Variants in CR1L observed in about 807,000 individuals in gnomAD.
CR1L encodes complement C3b/C4b receptor 1 like, also known as complement component receptor 1-like protein.
In CR1L, 59 loss-of-function variants were observed where a neutral mutation model predicts 62.3. That is an observed-to-expected ratio of 0.95 (90% CI 0.77 to 1.18). The LOEUF (loss-of-function observed/expected upper bound fraction) is 1.18, where lower values mean the gene tolerates loss of function less well. Ranked by LOEUF, CR1L falls within the 50% of genes most tolerant of loss-of-function variation. The pLI is 0.00. For synonymous variants in CR1L, 279 were observed against 248.7 expected, an observed-to-expected ratio of 1.12 and a Z score of -1.15; for missense variants, 700 against 702.8, an observed-to-expected ratio of 1.00 and a Z score of 0.04.
intron 9 of CR1L, among the ~76,000 whole-genome samples, chr1:207,705,045 C>T (rs559275053): frequency 1.3e-5 from 2 of 152,154 alleles, no homozygotes; most frequent in African/African-American, 2.4e-5. Context: ...TCCTTCATTG[C>T]GTCTTCCAGC....
intron 1 of CR1L, among the ~76,000 whole-genome samples, chr1:207,645,781 A>T (rs1319387585): frequency 1.3e-5 from 2 of 152,090 alleles, no homozygotes; most frequent in East Asian, 1.9e-4. Flanking sequence ...GGGCTTGGAC[A>T]GTACCCGCGG....
chr1:207,690,536 G>T (rs1663980790), intron 4 of CR1L, among the ~76,000 whole-genome samples: 1 of 152,160 alleles, frequency 6.6e-6, no homozygotes, highest in Non-Finnish European at 1.5e-5. Flanking sequence ...AGGAAAATGT[G>T]GTTTAGAACA....
intron 1 of CR1L, among the ~76,000 whole-genome samples, chr1:207,664,885 T>C (rs1032217579): frequency 6.6e-6 from 1 of 152,152 alleles, no homozygotes; most frequent in Non-Finnish European, 1.5e-5. Context: ...TGTGAAAAAA[T>C]GTCCAGGAAG....
chr1:207,714,705 G>A (rs572296536), intron 10 of CR1L, among the ~76,000 whole-genome samples: 2 of 152,200 alleles, frequency 1.3e-5, no homozygotes, highest in South Asian at 4.1e-4. Flanking sequence ...ATTTCAGAAC[G>A]ATTTTAGATT....
At chr1:207,697,312 T>C (rs919177409) in intron 5 of CR1L, among the ~76,000 whole-genome samples, 191 bp from the exon 6 acceptor site, 1 of 152,256 alleles carries the variant, frequency 6.6e-6, no homozygotes, top group Non-Finnish European at 1.5e-5. Flanking sequence ...TTGTGCAATG[T>C]GTCAGTTCTA....
At chr1:207,705,896 A>G (rs753075147) in intron 9 of CR1L, among the ~76,000 whole-genome samples, 4 of 151,934 alleles carry the variant, frequency 2.6e-5, no homozygotes, top group African/African-American at 9.7e-5. Context: ...AACAAGACTC[A>G]GTTGTACAAA....
chr1:207,679,483 A>G (rs575538744), intron 3 of CR1L, among the ~76,000 whole-genome samples: 43 of 152,270 alleles, frequency 2.8e-4, no homozygotes, highest in African/African-American at 9.9e-4. Context: ...ATTCTCATGC[A>G]TTGCTGGTAG....
chr1:207,665,099 G>C (rs1663495193), intron 1 of CR1L, among the ~76,000 whole-genome samples: 2 of 152,116 alleles, frequency 1.3e-5, no homozygotes, highest in Non-Finnish European at 2.9e-5. Context: ...TGTTGCCCAG[G>C]CTGGAGTGCA....
At chr1:207,699,984 A>G (rs1664166423) in intron 8 of CR1L, among the ~76,000 whole-genome samples, 1 of 152,228 alleles carries the variant, frequency 6.6e-6, no homozygotes, top group African/African-American at 2.4e-5. Flanking sequence ...TTCTCAAAAT[A>G]TGTACCTAAA....
chr1:207,713,064 G>C (rs1238138174), intron 10 of CR1L, among the ~76,000 whole-genome samples: 2 of 152,130 alleles, frequency 1.3e-5, no homozygotes, highest in Non-Finnish European at 2.9e-5. Context: ...TTTATGGAAG[G>C]GTAGTTTTGA....
Position 207,705,005 on chromosome 1 carries a change from C to T in CR1L, c.1329-3173C>T, listed in dbSNP as rs935265518. Among the ~76,000 whole-genome samples the T allele has an allele frequency of 1.7e-4, 26 of 152,138 alleles. 1 individual carries two copies. Among genetic ancestry groups the T allele is most frequent in the Non-Finnish European group, 3.8e-4 (26 of 68,024 alleles). ...TCCAAAATCAAGGTGTTGGGAAGAC[C>T]ATGCTCCCTCTGAATCCTGTAGGGT... On this transcript the variant is annotated intron_variant, in intron 9 of 11. Coordinates refer to ENST00000508064, the MANE Select transcript of CR1L (RefSeq NM_175710.2).
intron 5 of CR1L, among the ~76,000 whole-genome samples, chr1:207,696,248 AG>A (rs1010032453): frequency 6.6e-6 from 1 of 152,238 alleles, no homozygotes; most frequent in African/African-American, 2.4e-5. Context: ...CTGGAGCCAA[AG>A]TCATTGGCAT....
rs1375218383 is a variant in CR1L, at chr1:207,683,908, C to T, written c.414C>T (p.Ile138=). 1 of 1,613,426 alleles carries T rather than the reference C, an allele frequency of 6.2e-7. No individual in the cohort carries two copies. Among genetic ancestry groups the T allele is most frequent in the South Asian group, 1.1e-5 (1 of 91,016 alleles). ...RLIGSSSATC[I]ISGNTVIWDN... is the part of the protein sequence containing the mutation. ...TTGGTTCCTCGTCTGCCACATGCATCATCTCAGGCAACACTGTCATTTGGG... is the reference window on the plus strand; with the variant it reads ...TTGGTTCCTCGTCTGCCACATGCATTATCTCAGGCAACACTGTCATTTGGG... The change falls in exon 4 of 12, where the codon ATC becomes ATT. Residue 138 remains isoleucine (I), a synonymous_variant. Transcript: ENST00000508064.
chr1:207,647,461 A>G (rs1378544646), intron 1 of CR1L, among the ~76,000 whole-genome samples: 2 of 152,140 alleles, frequency 1.3e-5, no homozygotes, highest in African/African-American at 4.8e-5. Context: ...ACCTCTTGTA[A>G]TCACCCTTTT....
At position 207,694,760 on chromosome 1, in the gene CR1L, G is replaced by C. The variant is rs769216786; in HGVS notation, c.862+9G>C. ...ACCAAGCTGCTCCAGGGGTGAGTCT[G>C]ACTGAGGCCTAGAAGGGCCCTGCCA... On this transcript the variant is annotated intron_variant, in intron 5 of 11. Transcript: ENST00000508064. The C allele has an allele frequency of 6.2e-6, 10 of 1,611,744 alleles. No homozygotes were observed. The highest frequency in any genetic ancestry group is 2.2e-5 in the East Asian group (1 of 44,898).
intron 9 of CR1L, among the ~76,000 whole-genome samples, chr1:207,706,901 T>C (rs1400859943): frequency 6.6e-6 from 1 of 152,062 alleles, no homozygotes; most frequent in Non-Finnish European, 1.5e-5. Flanking sequence ...TAATCATAAT[T>C]TAGTAATAAT....
intron 1 of CR1L, among the ~76,000 whole-genome samples, chr1:207,645,655 G>A (rs12744104): frequency 0.18 from 27,978 of 152,216 alleles, 3,223 homozygotes; most frequent in Non-Finnish European, 0.27. Context: ...CGCCCCAGGT[G>A]AGGGCTTGCT....
chr1:207,688,949 A>G (rs142790051), intron 4 of CR1L, among the ~76,000 whole-genome samples: 4 of 152,202 alleles, frequency 2.6e-5, no homozygotes, highest in Admixed American at 2.6e-4. Flanking sequence ...CTGCATAATT[A>G]TGTCATCTAT....
intron 4 of CR1L, among the ~76,000 whole-genome samples, chr1:207,689,846 T>G (rs536849492): frequency 6.6e-6 from 1 of 152,186 alleles, no homozygotes; most frequent in East Asian, 1.9e-4. Context: ...GTAAGTTATA[T>G]TTTTCAAGGA....
Sources: allele counts gnomAD v4.1 joint callset (sites outside exome capture counted in the v4.1 genomes callset), GRCh38; gene constraint gnomAD v4.1.1; transcripts MANE v1.5; gene names NCBI Gene and HGNC (gene_info 2026-07-23, HGNC 2026-07-21).